The following PRKN variants were observed in gnomAD, a reference collection of about 807,000 sequenced individuals.
PRKN encodes parkin RBR E3 ubiquitin protein ligase, also known as E3 ubiquitin-protein ligase parkin.
In PRKN, 56 loss-of-function variants were observed where a neutral mutation model predicts 59.5. That is an observed-to-expected ratio of 0.94 (90% confidence interval 0.76 to 1.18). PRKN has a LOEUF of 1.18. Ranked by LOEUF, PRKN falls within the 50% of genes most tolerant of loss-of-function variation. The pLI is 0.00. For synonymous variants in PRKN, 250 were observed against 222.1 expected (o/e 1.13, Z -1.12); for missense variants, 657 against 596.4 (o/e 1.10, Z -1.06).
Position 162,390,396 on chromosome 6 carries a change from T to TATATATATATATATATATATACACAC in PRKN, c.171+52913_171+52914insGTGTGTATATATATATATATATATAT, listed in dbSNP as rs1180636201. Reference sequence around the variant, plus strand: ...TAAGGTATATATATATATATATATATACACACACACACACACACACACACA... The same window carrying TATATATATATATATATATATACACAC: ...TAAGGTATATATATATATATATATATATATATATATATATATATATACACACACACACACACACACACACACACACA... On this transcript the variant is annotated intron_variant, in intron 2 of 11. Transcript: ENST00000366898. 4.4e-3 allele frequency among the ~76,000 whole-genome samples: 373 copies of TATATATATATATATATATATACACAC among 83,834 alleles called. 1 individual carries two copies. The highest frequency in any genetic ancestry group is 8.0e-3 in the African/African-American group (176 of 22,002). The allele number at this position is 83,834 out of a possible 152,430, so 55.0% of individuals were successfully genotyped here.
At chr6:161,948,690 G>A (rs1194928210) in intron 6 of PRKN, among the ~76,000 whole-genome samples, 1 of 152,114 alleles carries the variant, frequency 6.6e-6, no homozygotes, top group Non-Finnish European at 1.5e-5. Context: ...TGAGACATGC[G>A]AAGGCCTTGA....
At position 161,560,112 on chromosome 6, in the gene PRKN, A is replaced by C. The variant is rs1178560247; in HGVS notation, c.933+9243T>G. On this transcript the variant is annotated intron_variant, in intron 8 of 11. Coordinates refer to ENST00000366898, the MANE Select transcript of PRKN (RefSeq NM_004562.3). The surrounding 1 kb of genome is among the most constrained non-coding windows in gnomAD (Gnocchi z 4.9). ...CAAACTGTCAGTCCCATATGGGTCC[A>C]TACGTTTCCTAATATCAGCCAATTT... 2.0e-5 allele frequency among the ~76,000 whole-genome samples: 3 copies of C among 152,168 alleles called. No individual in the cohort carries two copies. Among genetic ancestry groups the C allele is most frequent in the African/African-American group, 7.2e-5 (3 of 41,436 alleles).
intron 6 of PRKN, among the ~76,000 whole-genome samples, chr6:161,807,867 G>T (rs1791401851): frequency 6.6e-6 from 1 of 152,200 alleles, no homozygotes; most frequent in Admixed American, 6.5e-5. Context: ...GCCACTCACA[G>T]GTACCAGAGA....
chr6:161,799,300 C>G (rs539173328), intron 6 of PRKN, among the ~76,000 whole-genome samples: 1 of 152,178 alleles, frequency 6.6e-6, no homozygotes, highest in Admixed American at 6.5e-5. Context: ...CAGTGACTGA[C>G]AGTTTGACTC....
chr6:161,795,293 C>T (rs1044264442), intron 6 of PRKN, among the ~76,000 whole-genome samples: 7 of 142,844 alleles, frequency 4.9e-5, no homozygotes, highest in East Asian at 4.2e-4. Flanking sequence ...AGTGCAGTGG[C>T]GCAATCTCGG....
rs185539086 is a variant in PRKN, at chr6:161,578,869, T to C, written c.872-9453A>G. On this transcript the variant is annotated intron_variant, in intron 7 of 11. Coordinates refer to ENST00000366898, the MANE Select transcript of PRKN (RefSeq NM_004562.3). The surrounding 1 kb of genome is among the most constrained non-coding windows in gnomAD (Gnocchi z 4.2). ...ACTTAAATATTTTGAATTGTGTGTATATTCTTGGCGCTTTGCCTTCACCTT... is the reference window on the plus strand; with the variant it reads ...ACTTAAATATTTTGAATTGTGTGTACATTCTTGGCGCTTTGCCTTCACCTT... Among the ~76,000 whole-genome samples, 10 of 152,384 alleles carry C rather than the reference T, an allele frequency of 6.6e-5. No homozygotes were observed. Among genetic ancestry groups the C allele is most frequent in the Admixed American group, 2.0e-4 (3 of 15,310 alleles).
intron 4 of PRKN, among the ~76,000 whole-genome samples, chr6:162,148,189 G>C (rs1782110498): frequency 6.6e-6 from 1 of 152,132 alleles, no homozygotes; most frequent in African/African-American, 2.4e-5. Flanking sequence ...TCTATAAGTA[G>C]AGAATGTGCT....
chr6:162,190,258 C>T (rs1784216141), intron 4 of PRKN, among the ~76,000 whole-genome samples: 1 of 152,082 alleles, frequency 6.6e-6, no homozygotes, highest in South Asian at 2.1e-4. Context: ...TTCATAATTT[C>T]CTTTTTCCCA....
chr6:161,706,461 T>C (rs996466837), intron 7 of PRKN, among the ~76,000 whole-genome samples: 4 of 152,230 alleles, frequency 2.6e-5, no homozygotes, highest in Non-Finnish European at 5.9e-5. Context: ...TTCACTGTCA[T>C]TTGCTTCTTG....
rs114338547 is a variant in PRKN at position 162,072,639 on chromosome 6, A to G, written c.535-18465T>C. 1.7e-3 allele frequency among the ~76,000 whole-genome samples: 261 copies of G among 152,324 alleles called. 2 individuals are homozygous for G. The highest frequency in any genetic ancestry group is 6.1e-3 in the African/African-American group (252 of 41,580). On this transcript the variant is annotated intron_variant, in intron 4 of 11. Transcript: ENST00000366898. The stretch of plus-strand genomic sequence containing the variant: ...TGTAATATACATGTAACTGTAATGT[A>G]CACAAGTTCCTGATTTCAAAGCAAT...
At chr6:162,611,259 A>G (rs933136371) in intron 1 of PRKN, among the ~76,000 whole-genome samples, 1 of 152,200 alleles carries the variant, frequency 6.6e-6, no homozygotes, top group Non-Finnish European at 1.5e-5. Flanking sequence ...TATATCAATG[A>G]ATGGATAAAT....
At chr6:161,482,737 A>G (rs1344378341) in intron 9 of PRKN, among the ~76,000 whole-genome samples, 1 of 152,100 alleles carries the variant, frequency 6.6e-6, no homozygotes, top group Non-Finnish European at 1.5e-5. Context: ...GTGGTTAATG[A>G]CCCCAATTCT....
At chr6:161,827,007 G>A (rs1792274320) in intron 6 of PRKN, among the ~76,000 whole-genome samples, 1 of 152,294 alleles carries the variant, frequency 6.6e-6, no homozygotes, top group East Asian at 1.9e-4. Flanking sequence ...TTCACAATGG[G>A]GAGGCTTAAT....
At chr6:161,607,481 T>C in intron 7 of PRKN, among the ~76,000 whole-genome samples, 1 of 152,020 alleles carries the variant, frequency 6.6e-6, no homozygotes, top group African/African-American at 2.4e-5. Context: ...ATAGATAAGA[T>C]AATGGTATAA....
At chr6:162,369,301 G>T (rs539393633) in intron 2 of PRKN, among the ~76,000 whole-genome samples, 1 of 152,120 alleles carries the variant, frequency 6.6e-6, no homozygotes, top group Non-Finnish European at 1.5e-5. Flanking sequence ...GGCAGTTCTC[G>T]AAACAGAAAA....
At chr6:162,269,741 AG>A (rs1165251182) in intron 2 of PRKN, 1 of 152,226 alleles carries the variant, frequency 6.6e-6, no homozygotes, top group African/African-American at 2.4e-5. Context: ...AAATCATTTC[AG>A]TGTATGGCCA....
At chr6:162,525,493 C>T (rs928727555) in intron 1 of PRKN, among the ~76,000 whole-genome samples, 1 of 152,206 alleles carries the variant, frequency 6.6e-6, no homozygotes, top group African/African-American at 2.4e-5. Context: ...CCCCGTGAGG[C>T]GTGGCCTCAT....
At chr6:162,067,762 G>A (rs552642931) in intron 4 of PRKN, among the ~76,000 whole-genome samples, 1 of 152,258 alleles carries the variant, frequency 6.6e-6, no homozygotes, top group Non-Finnish European at 1.5e-5. Flanking sequence ...AACAAGGTGG[G>A]CAGTGCCACA....
rs977305259 is a variant in PRKN at position 161,548,467 on chromosome 6, C to A, written c.1083+387G>T. On this transcript the variant is annotated intron_variant, in intron 9 of 11. Transcript: ENST00000366898. The surrounding 1 kb of genome is among the most constrained non-coding windows in gnomAD (Gnocchi z 4.2). The stretch of plus-strand genomic sequence containing the variant: ...ACTCAGGCAAACAATGTCACTAAGA[C>A]GTCACTGATGGAGAATTCTTTCTCC... Among the ~76,000 whole-genome samples the A allele has an allele frequency of 6.6e-6, 1 of 152,124 alleles. No homozygotes were observed. Among genetic ancestry groups the A allele is most frequent in the Admixed American group, 6.5e-5 (1 of 15,278 alleles).
Sources: gnomAD v4.1 joint callset for allele counts (sites outside exome capture counted in the v4.1 genomes callset) on GRCh38, gnomAD v4.1.1 for gene constraint, Gnocchi (gnomAD v3.1) non-coding constraint, MANE v1.5 for transcripts, NCBI Gene and HGNC (gene_info 2026-07-23, HGNC 2026-07-21) for gene names.